Variants in BBS9 observed in about 807,000 individuals in gnomAD.
BBS9 encodes the protein Bardet-Biedl syndrome 9, also known as protein PTHB1.
BBS9 carries 89 observed loss-of-function variants against 117.7 expected under a neutral mutation model. That is an observed-to-expected ratio of 0.76 (90% CI 0.64 to 0.90). The LOEUF (loss-of-function observed/expected upper bound fraction) is 0.90. Ranked by LOEUF, BBS9 falls within the 40% of genes least tolerant of loss-of-function variation. The pLI, the probability that BBS9 is intolerant of heterozygous loss-of-function variation, is 0.00. For synonymous variants in BBS9, 379 were observed against 370.9 expected (o/e 1.02, Z -0.25); for missense variants, 982 against 1,042.2 (o/e 0.94, Z 0.80).
intron 21 of BBS9, among the ~76,000 whole-genome samples, chr7:33,564,043 A>T (rs1308631574): frequency 1.9e-5 from 2 of 104,388 alleles, no homozygotes; most frequent in Non-Finnish European, 3.5e-5. Flanking sequence ...TCAATTCTTT[A>T]AAAAAAATTT....
intron 19 of BBS9, among the ~76,000 whole-genome samples, chr7:33,395,184 G>A (rs1213978629): frequency 1.3e-5 from 2 of 152,160 alleles, no homozygotes; most frequent in African/African-American, 4.8e-5. Flanking sequence ...ATCTTTTGGA[G>A]AGTTCCCTCA....
intron 21 of BBS9, among the ~76,000 whole-genome samples, chr7:33,604,000 T>C (rs1443838229): frequency 6.6e-6 from 1 of 152,162 alleles, no homozygotes; most frequent in Non-Finnish European, 1.5e-5. Flanking sequence ...CCTTTATGCA[T>C]AAAACCAAAC....
chr7:33,388,100 C>A lies in BBS9; in HGVS notation c.2071C>A (p.Pro691Thr), dbSNP rs776690298. ...AAGATTCAAAGATAAAACTCCTGCC[C>A]CTCTTCAACACCTGGACACCTTGTT... ...LARFKDKTPA[P>T]LQHLDTLLDG... Residue 691 changes from proline (P) to threonine (T), a missense_variant, in exon 19 of 23, where the codon CCT becomes ACT. By Grantham distance (38) the Pro-to-Thr change is conservative. Transcript: ENST00000242067. The A allele has an allele frequency of 6.2e-7, 1 of 1,614,134 alleles. No homozygotes were observed. Among genetic ancestry groups the A allele is most frequent in the Non-Finnish European group, 8.5e-7 (1 of 1,179,994 alleles).
chr7:33,517,600 C>T (rs367984322), intron 20 of BBS9, among the ~76,000 whole-genome samples: 3 of 152,312 alleles, frequency 2.0e-5, no homozygotes, highest in South Asian at 2.1e-4. Context: ...CTTTTCATCA[C>T]GTTTTGCCAC....
At position 33,345,726 on chromosome 7, in the gene BBS9, C is replaced by T. The variant is rs536254861; in HGVS notation, c.1329+1092C>T. On this transcript the variant is annotated intron_variant, in intron 12 of 22. Coordinates refer to ENST00000242067, the MANE Select transcript of BBS9 (RefSeq NM_198428.3). Reference sequence around the variant, plus strand: ...TCAAACACTTAAGAAAAAGAAATAACTGTCGAGTTCCAGGAATGATTTGTA... The same window carrying T: ...TCAAACACTTAAGAAAAAGAAATAATTGTCGAGTTCCAGGAATGATTTGTA... 2.2e-4 allele frequency among the ~76,000 whole-genome samples: 33 copies of T among 152,298 alleles called. No individual in the cohort carries two copies. In the East Asian group the frequency reaches 6.0e-3, roughly 28 times the overall value.
chr7:33,407,434 C>T (rs986644936), intron 19 of BBS9, among the ~76,000 whole-genome samples: 7 of 152,206 alleles, frequency 4.6e-5, no homozygotes, highest in African/African-American at 9.6e-5. Context: ...TCTCTCAACT[C>T]GTCAAAGTCA....
chr7:33,619,102 G>A (rs1865282504), intron 21 of BBS9, among the ~76,000 whole-genome samples: 1 of 152,048 alleles, frequency 6.6e-6, no homozygotes, highest in Admixed American at 6.6e-5. Flanking sequence ...ATGCAGCATA[G>A]AAGAGATTCA....
intron 16 of BBS9, among the ~76,000 whole-genome samples, chr7:33,361,151 C>T (rs1055744992): frequency 2.6e-5 from 4 of 152,074 alleles, no homozygotes; most frequent in African/African-American, 9.7e-5. Flanking sequence ...CTTCCTTTAG[C>T]AGTACAAGAG....
chr7:33,632,837 G>A (rs887417476), intron 21 of BBS9, among the ~76,000 whole-genome samples: 4 of 152,182 alleles, frequency 2.6e-5, no homozygotes, highest in African/African-American at 7.2e-5. Context: ...TGTAAATGAA[G>A]CATTGGACTG....
At chr7:33,204,453 T>G (rs1041232353) in intron 5 of BBS9, among the ~76,000 whole-genome samples, 1 of 148,508 alleles carries the variant, frequency 6.7e-6, no homozygotes, top group Non-Finnish European at 1.5e-5. Context: ...CTGATAGAAG[T>G]GTGGGCAGGG....
At chr7:33,534,878 A>G (rs1291550904) in intron 21 of BBS9, among the ~76,000 whole-genome samples, 1 of 152,096 alleles carries the variant, frequency 6.6e-6, no homozygotes, top group Non-Finnish European at 1.5e-5. Context: ...GCATTACATC[A>G]ATGAATTAAT....
intron 21 of BBS9, among the ~76,000 whole-genome samples, chr7:33,541,510 A>G (rs1206818877): frequency 2.0e-5 from 3 of 152,262 alleles, no homozygotes; most frequent in African/African-American, 7.2e-5. Context: ...AAATATGACT[A>G]TTTGTAGCAG....
At chr7:33,257,123 T>C (rs1195899213) in intron 5 of BBS9, 113 bp from the exon 6 acceptor site, 24 of 684,218 alleles carry the variant, frequency 3.5e-5, no homozygotes, top group Non-Finnish European at 3.9e-5. Context: ...TGCTTAATGC[T>C]ATGATTTATG....
intron 21 of BBS9, among the ~76,000 whole-genome samples, chr7:33,589,076 A>G (rs13242527): frequency 0.25 from 37,885 of 152,096 alleles, 6,730 homozygotes; most frequent in African/African-American, 0.49. Context: ...GTCAGAGGTA[A>G]AAATGGGCAG....
chr7:33,610,353 A>G (rs554961544), downstream of BBS9, among the ~76,000 whole-genome samples: 18 of 152,110 alleles, frequency 1.2e-4, no homozygotes, highest in Non-Finnish European at 2.6e-4. Flanking sequence ...AATAGAAATT[A>G]ATTTCTTAGC....
chr7:33,613,078 G>A (rs898000039), intron 21 of BBS9, among the ~76,000 whole-genome samples: 1 of 152,006 alleles, frequency 6.6e-6, no homozygotes, highest in Non-Finnish European at 1.5e-5. Context: ...GTTCAGTGGG[G>A]GAACAGAGAA....
chr7:33,225,774 C>T (rs1350085453), intron 5 of BBS9, among the ~76,000 whole-genome samples: 1 of 148,724 alleles, frequency 6.7e-6, no homozygotes, highest in Non-Finnish European at 1.5e-5. Flanking sequence ...AGTACTCCTG[C>T]TGGTTATTGC....
intron 19 of BBS9, among the ~76,000 whole-genome samples, chr7:33,404,001 T>A (rs574077305): frequency 6.6e-6 from 1 of 152,272 alleles, no homozygotes; most frequent in East Asian, 1.9e-4. Context: ...TTTTAATGAT[T>A]GCCATTCTAA....
At chr7:33,347,158 C>T (rs1235547640) in intron 12 of BBS9, among the ~76,000 whole-genome samples, 1 of 152,086 alleles carries the variant, frequency 6.6e-6, no homozygotes, top group East Asian at 1.9e-4. Context: ...ATGATGGTAC[C>T]TGTCAAACAT....
Sources: gnomAD v4.1 joint callset for allele counts (sites outside exome capture counted in the v4.1 genomes callset) on GRCh38, gnomAD v4.1.1 for gene constraint, MANE v1.5 for transcripts, NCBI Gene and HGNC (gene_info 2026-07-23, HGNC 2026-07-21) for gene names.